The following SSBP2 variants were observed in gnomAD, a reference collection of about 807,000 sequenced individuals.
SSBP2 encodes single-stranded DNA-binding protein 2.
A neutral mutation model predicts 61.8 loss-of-function variants in SSBP2; 17 were observed. That is an observed-to-expected ratio of 0.28 (90% CI 0.19 to 0.41). The LOEUF is 0.41. Ranked by LOEUF, SSBP2 falls within the 10% of genes least tolerant of loss-of-function variation. The pLI, the probability that SSBP2 is intolerant of heterozygous loss-of-function variation, is 1.00. For synonymous variants in SSBP2, 139 were observed against 141.3 expected (o/e 0.98, Z 0.12); for missense variants, 310 against 458.7 (o/e 0.68, Z 2.96).
Position 81,637,233 on chromosome 5 carries a change from C to T in SSBP2, c.136-615G>A, listed in dbSNP as rs188411537. Among the ~76,000 whole-genome samples the T allele has an allele frequency of 1.6e-3, 245 of 152,268 alleles. 4 individuals carry two copies. The highest frequency in any genetic ancestry group is 0.014 in the Admixed American group (210 of 15,294). On this transcript the variant is annotated intron_variant, in intron 2 of 16. Coordinates refer to ENST00000320672, the MANE Select transcript of SSBP2 (RefSeq NM_012446.5). The stretch of plus-strand genomic sequence containing the variant: ...TTGAGCTCTTCAAGTAACAGCAGTC[C>T]CACACTCCCTCTCCTTAGAGGTCTA...
intron 4 of SSBP2, among the ~76,000 whole-genome samples, chr5:81,521,828 G>A (rs2154094626): frequency 6.6e-6 from 1 of 151,922 alleles, no homozygotes; most frequent in East Asian, 1.9e-4. Context: ...AACCTCACAA[G>A]GGTCATTTTT....
chr5:81,598,568 C>T (rs949857621), intron 4 of SSBP2, among the ~76,000 whole-genome samples: 1 of 152,142 alleles, frequency 6.6e-6, no homozygotes, highest in African/African-American at 2.4e-5. Flanking sequence ...CTATACACAT[C>T]CTTACCTCTA....
At chr5:81,423,938 A>AT (rs942443937) in intron 16 of SSBP2, among the ~76,000 whole-genome samples, 8 of 152,112 alleles carry the variant, frequency 5.3e-5, no homozygotes, top group Admixed American at 1.3e-4. Flanking sequence ...AACTGTTAAC[A>AT]TTTTTTTATC....
At chr5:81,668,439 C>A (rs1457899854) in intron 1 of SSBP2, among the ~76,000 whole-genome samples, 1 of 151,834 alleles carries the variant, frequency 6.6e-6, no homozygotes, top group Non-Finnish European at 1.5e-5. Context: ...TTTTATCCAG[C>A]CTACTTATCT....
At chr5:81,692,115 G>C (rs1000249324) in intron 1 of SSBP2, among the ~76,000 whole-genome samples, 2 of 152,148 alleles carry the variant, frequency 1.3e-5, no homozygotes, top group Admixed American at 6.5e-5. Context: ...AAAACCCAAA[G>C]ACTCCACCAA....
chr5:81,720,040 T>G (rs1420826209), intron 1 of SSBP2, among the ~76,000 whole-genome samples: 1 of 152,096 alleles, frequency 6.6e-6, no homozygotes, highest in East Asian at 1.9e-4. Flanking sequence ...TATCCAGCCC[T>G]GGAGGAGTAG....
At position 81,742,615 on chromosome 5, in the gene SSBP2, C is replaced by T. The variant is rs781106345; in HGVS notation, c.62+8366G>A. 2.5e-4 allele frequency among the ~76,000 whole-genome samples: 38 copies of T among 152,268 alleles called. No homozygotes were observed. The South Asian group carries it at 3.5e-3, about 14-fold the overall frequency. On this transcript the variant is annotated intron_variant, in intron 1 of 16. Transcript: ENST00000320672. ...AAATGGCCGGGCTCAGTGGCTCATG[C>T]CTGTAATCCTAGCACTTTGGGAGGC... is the stretch of plus-strand genomic sequence containing the variant.
In SSBP2 at chr5:81,432,918, G is replaced by A. The variant is rs1310917317; in HGVS notation, c.958-4235C>T. ...GCCCCTCTGCCCGGCCAGCCACCCC[G>A]TCCGGGAGGGAGGTGGGGGGGGTCA... On this transcript the variant is annotated intron_variant, in intron 15 of 16. Coordinates refer to ENST00000320672, the MANE Select transcript of SSBP2 (RefSeq NM_012446.5). Among the ~76,000 whole-genome samples, 12 of 144,798 alleles carry A rather than the reference G, an allele frequency of 8.3e-5. No individual in the cohort carries two copies. The South Asian group carries it at 1.1e-3, about 13-fold the overall frequency. The allele number at this position is 144,798 out of a possible 152,430, so 95.0% of individuals were successfully genotyped here.
Position 81,694,836 on chromosome 5 carries a change from G to A in SSBP2, c.63-44497C>T, listed in dbSNP as rs74736865. ...CAAAAAAAAATTTTTTTAACTAGCT[G>A]GGCATGGTACATTCCTGTACGACTA... On this transcript the variant is annotated intron_variant, in intron 1 of 16. Transcript: ENST00000320672. 5.9e-5 allele frequency among the ~76,000 whole-genome samples: 9 copies of A among 152,204 alleles called. No homozygotes were observed. In the East Asian group the frequency reaches 1.7e-3, roughly 29 times the overall value.
At chr5:81,654,279 AAT>A (rs1200076533) in intron 1 of SSBP2, among the ~76,000 whole-genome samples, 1 of 152,084 alleles carries the variant, frequency 6.6e-6, no homozygotes, top group African/African-American at 2.4e-5. Flanking sequence ...TGTTTCTAAA[AAT>A]ATGTTTCTCT....
chr5:81,601,243 G>T (rs548614486), intron 4 of SSBP2, among the ~76,000 whole-genome samples: 9 of 151,798 alleles, frequency 5.9e-5, no homozygotes, highest in Admixed American at 2.6e-4. Context: ...TTTTTTCTAC[G>T]TGTATCTACA....
chr5:81,540,932 A>G (rs550531312), intron 4 of SSBP2, among the ~76,000 whole-genome samples: 7 of 88,406 alleles, frequency 7.9e-5, no homozygotes, highest in African/African-American at 2.0e-4. Context: ...AGAAAGTTAG[A>G]AAAAAAAAAA....
At chr5:81,729,928 T>C (rs1756141912) in intron 1 of SSBP2, among the ~76,000 whole-genome samples, 1 of 152,066 alleles carries the variant, frequency 6.6e-6, no homozygotes, top group South Asian at 2.1e-4. Context: ...ATACACTAGA[T>C]AGACTAAATC....
chr5:81,470,047 T>C lies in SSBP2; in HGVS notation c.571-3006A>G, dbSNP rs181761277. Among the ~76,000 whole-genome samples, 11 of 152,054 alleles carry C rather than the reference T, an allele frequency of 7.2e-5. No individual in the cohort carries two copies. The South Asian group carries it at 1.2e-3, about 17-fold the overall frequency. ...ACTGCCCATCATAGATCTGAAAATA[T>C]AGAATCAGTTTACTTTTTCCTTACA... On this transcript the variant is annotated intron_variant, in intron 8 of 16. Transcript: ENST00000320672.
At chr5:81,563,433 G>A (rs1407210064) in intron 4 of SSBP2, among the ~76,000 whole-genome samples, 4 of 152,144 alleles carry the variant, frequency 2.6e-5, no homozygotes, top group Non-Finnish European at 5.9e-5. Context: ...AAATATCTGT[G>A]ACTTGGTTTA....
At chr5:81,640,143 A>C (rs1233707048) in intron 2 of SSBP2, among the ~76,000 whole-genome samples, 1 of 152,122 alleles carries the variant, frequency 6.6e-6, no homozygotes, top group Non-Finnish European at 1.5e-5. Flanking sequence ...TGAGGTCAGG[A>C]GTTTAAGCCA....
At chr5:81,492,666 A>T (rs1206013026) in intron 5 of SSBP2, among the ~76,000 whole-genome samples, 1 of 151,948 alleles carries the variant, frequency 6.6e-6, no homozygotes, top group Non-Finnish European at 1.5e-5. Context: ...ACTGGAAAAA[A>T]GCCTTCCCCA....
At chr5:81,431,381 T>A (rs1762276182) in intron 15 of SSBP2, among the ~76,000 whole-genome samples, 3 of 152,152 alleles carry the variant, frequency 2.0e-5, no homozygotes, top group Non-Finnish European at 4.4e-5. Context: ...TCAAGAAATT[T>A]TATTACATTC....
At chr5:81,458,461 T>C (rs528889536) in intron 10 of SSBP2, among the ~76,000 whole-genome samples, 4 of 152,330 alleles carry the variant, frequency 2.6e-5, no homozygotes, top group African/African-American at 9.6e-5. Flanking sequence ...GGTAAGACAT[T>C]AACAATTGGG....
Sources: allele counts gnomAD v4.1 joint callset (sites outside exome capture counted in the v4.1 genomes callset), GRCh38; gene constraint gnomAD v4.1.1; transcripts MANE v1.5; gene names NCBI Gene and HGNC (gene_info 2026-07-23, HGNC 2026-07-21).